SNTG1: variants seen among roughly 807,000 people sequenced by gnomAD.
The protein encoded by SNTG1 is syntrophin gamma 1.
SNTG1 carries 39 observed loss-of-function variants against 74.7 expected under a neutral mutation model. The ratio of observed to expected loss-of-function variants is 0.52; its 90% CI spans 0.40 to 0.68. The LOEUF is 0.68. Among genes scored for constraint, SNTG1 ranks in the 30% least tolerant of loss-of-function variants. The probability of loss-of-function intolerance (pLI) is 0.00; values close to 1 mark genes in which losing one functional copy is unlikely to be tolerated. For synonymous variants in SNTG1, 254 were observed against 217.1 expected (o/e 1.17, Z -1.49); for missense variants, 685 against 609.5 (o/e 1.12, Z -1.30).
intron 15 of SNTG1, among the ~76,000 whole-genome samples, chr8:50,687,142 A>AAG (rs2095356030): frequency 8.3e-6 from 1 of 120,478 alleles, no homozygotes; most frequent in Non-Finnish European, 1.6e-5. Flanking sequence ...ACTCCGTCTC[A>AAG]AAAAAAAAAA....
chr8:50,372,603 T>G (rs2092294257), intron 2 of SNTG1, among the ~76,000 whole-genome samples: 1 of 152,194 alleles, frequency 6.6e-6, no homozygotes, highest in Non-Finnish European at 1.5e-5. Context: ...CTTTATATAA[T>G]TTTATTAAAT....
rs556567318 is a variant in SNTG1, at chr8:50,370,427, T to A, written c.-27-23785T>A. Among the ~76,000 whole-genome samples the A allele has an allele frequency of 9.2e-5, 14 of 152,208 alleles. No homozygotes were observed. In the South Asian group the frequency reaches 2.7e-3, roughly 29 times the overall value. On this transcript the variant is annotated intron_variant, in intron 2 of 18. Transcript: ENST00000642720. Reference sequence around the variant, plus strand: ...GAACGACCCTGTGGGAAGACCCTGATGAGTATGGGCACAATGAGCCAGTAA... The same window carrying A: ...GAACGACCCTGTGGGAAGACCCTGAAGAGTATGGGCACAATGAGCCAGTAA...
intron 2 of SNTG1, among the ~76,000 whole-genome samples, chr8:50,301,731 T>C (rs1000587691): frequency 1.3e-5 from 2 of 152,174 alleles, no homozygotes; most frequent in African/African-American, 4.8e-5. Flanking sequence ...TTTCTGTTCA[T>C]TTATTTTGGT....
At chr8:50,547,894 C>T (rs1292355429) in intron 11 of SNTG1, among the ~76,000 whole-genome samples, 2 of 152,066 alleles carry the variant, frequency 1.3e-5, no homozygotes, top group Non-Finnish European at 2.9e-5. Context: ...CAAATGCCTT[C>T]GAGATGGCAG....
rs368445463 is a variant in SNTG1 at position 50,238,523 on chromosome 8, T to A, written c.-28+65888T>A. Among the ~76,000 whole-genome samples the A allele has an allele frequency of 1.2e-4, 18 of 152,266 alleles. No individual in the cohort carries two copies. In the East Asian group the frequency reaches 1.7e-3, roughly 15 times the overall value. On this transcript the variant is annotated intron_variant, in intron 2 of 18. Transcript: ENST00000642720. ...GGATTAAAGACTTAAATGTAAAACCTAATACTATAAAAATCCTAGAGGAAG... is the reference window on the plus strand; with the variant it reads ...GGATTAAAGACTTAAATGTAAAACCAAATACTATAAAAATCCTAGAGGAAG...
chr8:50,281,326 G>C (rs776245227), intron 2 of SNTG1, among the ~76,000 whole-genome samples: 3 of 152,146 alleles, frequency 2.0e-5, no homozygotes, highest in Non-Finnish European at 4.4e-5. Context: ...ATCATGGCCT[G>C]AGCTAACGTT....
chr8:50,734,150 A>G (rs1457552549), intron 17 of SNTG1, among the ~76,000 whole-genome samples: 1 of 151,796 alleles, frequency 6.6e-6, no homozygotes, highest in Admixed American at 6.6e-5. Context: ...AAATATATAT[A>G]AAGGAAACAT....
intron 8 of SNTG1, among the ~76,000 whole-genome samples, chr8:50,463,179 A>G (rs1339671144): frequency 6.6e-6 from 1 of 152,152 alleles, no homozygotes; most frequent in African/African-American, 2.4e-5. Context: ...TCCTACACTG[A>G]AAACTTGAAG....
intron 1 of SNTG1, among the ~76,000 whole-genome samples, chr8:50,073,304 T>C (rs1266123400): frequency 6.6e-6 from 1 of 152,196 alleles, no homozygotes; most frequent in Non-Finnish European, 1.5e-5. Context: ...TTTTTGCTCA[T>C]CCATAAGAAG....
chr8:49,913,497 G>A (rs1307679373), intron 1 of SNTG1, among the ~76,000 whole-genome samples: 2 of 152,136 alleles, frequency 1.3e-5, no homozygotes, highest in Non-Finnish European at 2.9e-5. Flanking sequence ...TTACTCTGAG[G>A]AAAAATCATT....
chr8:50,424,509 A>T (rs1393770445), intron 4 of SNTG1, among the ~76,000 whole-genome samples: 12 of 152,274 alleles, frequency 7.9e-5, no homozygotes, highest in African/African-American at 2.6e-4. Context: ...AATTTTAAAA[A>T]GGAAGACATG....
chr8:49,973,231 G>A (rs1383571171), intron 1 of SNTG1, among the ~76,000 whole-genome samples: 1 of 152,082 alleles, frequency 6.6e-6, no homozygotes, highest in African/African-American at 2.4e-5. Context: ...GATGAAGCTG[G>A]AAACCGTCAT....
At chr8:50,188,606 C>A (rs2131764100) in intron 2 of SNTG1, among the ~76,000 whole-genome samples, 1 of 152,160 alleles carries the variant, frequency 6.6e-6, no homozygotes, top group African/African-American at 2.4e-5. Flanking sequence ...TTTGGGACAC[C>A]TCTTCATGTA....
intron 18 of SNTG1, among the ~76,000 whole-genome samples, chr8:50,760,866 T>C (rs1223992881): frequency 6.6e-6 from 1 of 151,854 alleles, no homozygotes; most frequent in Non-Finnish European, 1.5e-5. Context: ...AGTTCTGAAA[T>C]TGAGGCAGCA....
intron 15 of SNTG1, among the ~76,000 whole-genome samples, chr8:50,704,187 A>G (rs1434467636): frequency 6.6e-6 from 1 of 152,126 alleles, no homozygotes; most frequent in Non-Finnish European, 1.5e-5. Flanking sequence ...GGAGAAGAAT[A>G]TTTTGGTTTG....
At chr8:50,190,178 T>G (rs2083517356) in intron 2 of SNTG1, among the ~76,000 whole-genome samples, 1 of 152,134 alleles carries the variant, frequency 6.6e-6, no homozygotes, top group South Asian at 2.1e-4. Context: ...GCTCACAGTC[T>G]ACTGTAACTG....
At position 50,631,734 on chromosome 8, in the gene SNTG1, A is replaced by T. The variant is rs184264428; in HGVS notation, c.850-25175A>T. On this transcript the variant is annotated intron_variant, in intron 13 of 18. Transcript: ENST00000642720. ...TATTGTGTAATTCATCCTCCTTGAT[A>T]CATAAAGAGAAATGTGATTTGTTCT... Among the ~76,000 whole-genome samples the T allele has an allele frequency of 4.3e-3, 655 of 152,318 alleles. 9 individuals are homozygous for T. The highest frequency in any genetic ancestry group is 0.014 in the African/African-American group (594 of 41,572).
rs1485149137 is a variant in SNTG1 at position 50,347,955 on chromosome 8, T to TGAA, written c.-27-46257_-27-46256insGAA. Among the ~76,000 whole-genome samples, 30 of 152,210 alleles carry TGAA rather than the reference T, an allele frequency of 2.0e-4. 2 individuals are homozygous for TGAA. Among genetic ancestry groups the TGAA allele is most frequent in the Admixed American group, 5.2e-4 (8 of 15,284 alleles). On this transcript the variant is annotated intron_variant, in intron 2 of 18. Transcript: ENST00000642720. ...TCATGAAAATATATATGATATAATGTTACAGGATGTTTGCTTTCACTTCCC... is the reference window on the plus strand; with the variant it reads ...TCATGAAAATATATATGATATAATGTGAATACAGGATGTTTGCTTTCACTTCCC...
intron 2 of SNTG1, among the ~76,000 whole-genome samples, chr8:50,325,316 T>G (rs773050351): frequency 1.3e-5 from 2 of 151,894 alleles, no homozygotes; most frequent in Non-Finnish European, 2.9e-5. Context: ...TAGCAAAGAA[T>G]TGACATCTTG....
Sources: gnomAD v4.1 joint callset for allele counts (sites outside exome capture counted in the v4.1 genomes callset) on GRCh38, gnomAD v4.1.1 for gene constraint, MANE v1.5 for transcripts, NCBI Gene and HGNC (gene_info 2026-07-23, HGNC 2026-07-21) for gene names.